The following SYNE1 variants were observed in gnomAD, a reference collection of about 807,000 sequenced individuals.
SYNE1 encodes the protein spectrin repeat containing nuclear envelope protein 1.
SYNE1 carries 616 observed loss-of-function variants against 1,111.0 expected under a neutral mutation model. That is an observed-to-expected ratio of 0.55 (90% CI 0.52 to 0.59). The LOEUF (loss-of-function observed/expected upper bound fraction) is 0.59, where lower values mean the gene tolerates loss of function less well. Ranked by LOEUF, SYNE1 falls within the 20% of genes least tolerant of loss-of-function variation. SYNE1 has a pLI of 0.00. For missense variants in SYNE1, 10,006 were observed against 10,417.0 expected (o/e 0.96, Z 1.72); for synonymous variants, 3,855 against 3,825.8 (o/e 1.01, Z -0.28).
At chr6:152,292,292 G>C (rs565122232) in intron 95 of SYNE1, among the ~76,000 whole-genome samples, 1 of 152,314 alleles carries the variant, frequency 6.6e-6, no homozygotes, top group South Asian at 2.1e-4. Context: ...TGATTGGTCT[G>C]GTCTTGGATA....
In SYNE1 at chr6:152,325,161, G is replaced by A. The variant is rs757086609; in HGVS notation, c.15580C>T (p.Arg5194Cys). ...SMTTVWQRWT[R>C]LRAVAQDQEK... is the part of the protein sequence containing the mutation. ...TGGTCCTGGGCCACAGCTCGAAGGC[G>A]TGTCCAGCGCTGCCAGACGGTGGTC... The change falls in exon 81 of 146, where the codon CGC becomes TGC. Residue 5194 changes from arginine (R) to cysteine (C), a missense_variant. Around this residue, in one of 7 missense-constraint regions of SYNE1, gnomAD observed 4,955 missense variants for 5,017.2 expected, o/e 0.99. Coordinates refer to ENST00000367255, the MANE Select transcript of SYNE1 (RefSeq NM_182961.4). The A allele has an allele frequency of 4.4e-5, 71 of 1,614,082 alleles. No individual in the cohort carries two copies. The highest frequency in any genetic ancestry group is 5.8e-5 in the Non-Finnish European group (69 of 1,180,050).
intron 3 of SYNE1, chr6:152,546,146 T>G (rs1200705562): frequency 6.6e-6 from 1 of 152,186 alleles, no homozygotes; most frequent in East Asian, 1.9e-4. Flanking sequence ...CTACAATTAC[T>G]AAAATTACCA....
intron 3 of SYNE1, chr6:152,546,500 G>A (rs1368789502): frequency 2.0e-5 from 3 of 152,108 alleles, no homozygotes; most frequent in Non-Finnish European, 4.4e-5. Context: ...GCCTTAAGAG[G>A]ACTTGAGATT....
At chr6:152,147,848 T>C (rs2059788161) in intron 137 of SYNE1, 197 bp downstream of exon 137, 3 of 598,596 alleles carry the variant, frequency 5.0e-6, no homozygotes, top group Non-Finnish European at 3.0e-6. Context: ...CTACCACAAA[T>C]CTACGTGGAA....
intron 127 of SYNE1, among the ~76,000 whole-genome samples, chr6:152,200,087 T>C (rs1487976509): frequency 6.6e-6 from 1 of 152,166 alleles, no homozygotes; most frequent in Non-Finnish European, 1.5e-5. Context: ...AACTCGAGCA[T>C]CAGATTTGTA....
chr6:152,460,796 A>C (rs1257796151), intron 21 of SYNE1, among the ~76,000 whole-genome samples: 2 of 133,394 alleles, frequency 1.5e-5, no homozygotes, highest in Non-Finnish European at 3.1e-5. Context: ...AAATGTATAT[A>C]ATCTTTTTTT....
At chr6:152,211,397 C>T in intron 124 of SYNE1, 97 bp downstream of exon 124, 1 of 1,022,010 alleles carries the variant, frequency 9.8e-7, no homozygotes, top group South Asian at 1.3e-5. Context: ...TCAATTGCCT[C>T]AGGAAGATTG....
chr6:152,498,874 T>C (rs2099013591), intron 10 of SYNE1, 82 bp from the exon 11 acceptor site: 2 of 753,686 alleles, frequency 2.7e-6, no homozygotes, highest in South Asian at 3.1e-5. Context: ...ATAAAATCAA[T>C]GGAAAGGCAT....
intron 112 of SYNE1, among the ~76,000 whole-genome samples, chr6:152,233,385 T>C (rs2153522159): frequency 6.6e-6 from 1 of 152,056 alleles, no homozygotes. Context: ...TGGAGTGCAG[T>C]GGCGCGATCT....
chr6:152,384,850 A>G (rs921986540), intron 55 of SYNE1, among the ~76,000 whole-genome samples: 1 of 151,610 alleles, frequency 6.6e-6, no homozygotes, highest in African/African-American at 2.4e-5. Context: ...ACTGCACTCC[A>G]GCCTGGGTGA....
chr6:152,167,602 A>G (rs1409905052), intron 130 of SYNE1: 2 of 394,892 alleles, frequency 5.1e-6, no homozygotes, highest in East Asian at 6.2e-5. Context: ...TAGGGACTAA[A>G]ACTTACTGAC....
At chr6:152,174,440 C>A (rs2065901722) in intron 130 of SYNE1, among the ~76,000 whole-genome samples, 1 of 152,176 alleles carries the variant, frequency 6.6e-6, no homozygotes, top group African/African-American at 2.4e-5. Flanking sequence ...CTATTTATCT[C>A]ATTGTTTTAC....
rs754236419 is a variant in SYNE1, at chr6:152,254,958, C to T, written c.19392G>A (p.Arg6464=). Residue 6464 remains arginine, a synonymous_variant, in exon 104 of 146, where the codon AGG becomes AGA. Transcript: ENST00000367255. ...IEDTLGCLLG[R]LSLLDSVVNQ... is the part of the protein sequence containing the mutation. ...TCACTACTGAGTCTAGCAAGGATAA[C>T]CTGCCCAAAAGACAACCCAAAGTAT... 2.5e-6 allele frequency: 4 copies of T among 1,614,030 alleles called. No homozygotes were observed. In the East Asian group the frequency reaches 6.7e-5, roughly 27 times the overall value.
chr6:152,145,239 G>C, intron 137 of SYNE1: 1 of 539,504 alleles, frequency 1.9e-6, no homozygotes, highest in Non-Finnish European at 3.3e-6. Context: ...GGACATGAGA[G>C]GTCTATACCT....
At chr6:152,483,816 C>T (rs973278648) in intron 13 of SYNE1, among the ~76,000 whole-genome samples, 2 of 151,938 alleles carry the variant, frequency 1.3e-5, no homozygotes, top group African/African-American at 2.4e-5. Context: ...AGACACATTT[C>T]CTAGCTTACT....
intron 14 of SYNE1, among the ~76,000 whole-genome samples, chr6:152,476,823 C>G (rs891551726): frequency 1.2e-4 from 18 of 150,544 alleles, no homozygotes; most frequent in Non-Finnish European, 2.2e-4. Context: ...GAGCCATGAC[C>G]ACACCACTAC....
At chr6:152,426,419 A>G (rs2098356475) in intron 38 of SYNE1, among the ~76,000 whole-genome samples, 1 of 152,256 alleles carries the variant, frequency 6.6e-6, no homozygotes, top group Non-Finnish European at 1.5e-5. Flanking sequence ...CGCAGGGTGC[A>G]GAGCCAGGAG....
At chr6:152,326,216 T>G (rs1446771559) in intron 79 of SYNE1, 80 bp downstream of exon 79, 1 of 1,611,124 alleles carries the variant, frequency 6.2e-7, no homozygotes, top group Non-Finnish European at 8.5e-7. Context: ...TACGTGCTAA[T>G]GTATATCATT....
intron 8 of SYNE1, among the ~76,000 whole-genome samples, chr6:152,506,269 A>G (rs1003070558): frequency 6.6e-6 from 1 of 152,180 alleles, no homozygotes; most frequent in African/African-American, 2.4e-5. Flanking sequence ...AGAGTTGTAA[A>G]GATGATTTTG....
Sources: gnomAD v4.1 joint callset for allele counts (sites outside exome capture counted in the v4.1 genomes callset) on GRCh38, gnomAD v4.1.1 for gene constraint, gnomAD v4.1.1 regional missense constraint, MANE v1.5 for transcripts, NCBI Gene and HGNC (gene_info 2026-07-23, HGNC 2026-07-21) for gene names.